The following BICD1 variants were observed in gnomAD, a reference collection of about 807,000 sequenced individuals.
BICD1 encodes protein bicaudal D homolog 1.
Under a neutral mutation model 92.5 loss-of-function variants are expected in BICD1, and 35 were observed. That is an observed-to-expected ratio of 0.38 (90% CI 0.29 to 0.50). The LOEUF (loss-of-function observed/expected upper bound fraction) is 0.50. BICD1 is among the 20% of genes least tolerant of loss of function. The probability of loss-of-function intolerance (pLI) is 0.93; values close to 1 mark genes in which losing one functional copy is unlikely to be tolerated. For synonymous variants in BICD1, 429 were observed against 465.1 expected (o/e 0.92, Z 1.00); for missense variants, 950 against 1,189.8 (o/e 0.80, Z 2.97).
chr12:32,357,947 A>C (rs1291226758), intron 8 of BICD1, among the ~76,000 whole-genome samples: 1 of 152,126 alleles, frequency 6.6e-6, no homozygotes, highest in Non-Finnish European at 1.5e-5. Context: ...GGGCCATTCC[A>C]CTGAAAGGGC....
At chr12:32,330,307 A>G (rs1487468113) in intron 5 of BICD1, among the ~76,000 whole-genome samples, 1 of 152,004 alleles carries the variant, frequency 6.6e-6, no homozygotes, top group Non-Finnish European at 1.5e-5. Context: ...CATCATTCTC[A>G]GCAAACTATC....
chr12:32,205,098 C>G (rs1592471418), intron 1 of BICD1, among the ~76,000 whole-genome samples: 1 of 152,224 alleles, frequency 6.6e-6, no homozygotes, highest in Admixed American at 6.5e-5. Context: ...TGAAATAAAA[C>G]TTTTTTCTTT....
intron 4 of BICD1, among the ~76,000 whole-genome samples, chr12:32,325,391 C>G (rs1344841421): frequency 6.6e-6 from 1 of 152,166 alleles, no homozygotes; most frequent in Non-Finnish European, 1.5e-5. Context: ...ATTTTATAGA[C>G]TGAAGTGCTG....
chr12:32,292,500 G>T (rs899909102), intron 2 of BICD1, among the ~76,000 whole-genome samples: 1 of 152,132 alleles, frequency 6.6e-6, no homozygotes, highest in African/African-American at 2.4e-5. Context: ...AACCTACATA[G>T]CATGTTTTTG....
chr12:32,262,624 T>C (rs1355151753), intron 2 of BICD1, among the ~76,000 whole-genome samples: 3 of 152,142 alleles, frequency 2.0e-5, no homozygotes, highest in African/African-American at 7.2e-5. Flanking sequence ...ATCTCCTGGG[T>C]TACAGTGAGC....
intron 2 of BICD1, among the ~76,000 whole-genome samples, chr12:32,263,101 C>T (rs979838378): frequency 3.9e-5 from 6 of 152,106 alleles, no homozygotes; most frequent in African/African-American, 1.2e-4. Context: ...GGCCACTGCA[C>T]TCCAGCCTGG....
intron 1 of BICD1, among the ~76,000 whole-genome samples, chr12:32,189,211 T>C (rs1358267408): frequency 6.6e-6 from 1 of 152,166 alleles, no homozygotes; most frequent in African/African-American, 2.4e-5. Flanking sequence ...GAATGTGCCT[T>C]TAAGGAGGAA....
chr12:32,124,264 G>A (rs1048838342), intron 1 of BICD1, among the ~76,000 whole-genome samples: 11 of 152,230 alleles, frequency 7.2e-5, no homozygotes, highest in Middle Eastern at 3.4e-3. Context: ...TTAGGAAGAC[G>A]TGATCTTTAT....
At chr12:32,350,577 A>AAC (rs1938822142) in intron 8 of BICD1, among the ~76,000 whole-genome samples, 6 of 152,366 alleles carry the variant, frequency 3.9e-5, no homozygotes, top group Middle Eastern at 3.4e-3. Flanking sequence ...ATAGCTCATC[A>AAC]ACCAGCAAAG....
chr12:32,214,107 A>G (rs1244467070), intron 1 of BICD1, among the ~76,000 whole-genome samples: 1 of 152,140 alleles, frequency 6.6e-6, no homozygotes, highest in Non-Finnish European at 1.5e-5. Context: ...AATATCTCAG[A>G]TTTGGCCATT....
intron 1 of BICD1, among the ~76,000 whole-genome samples, chr12:32,118,594 G>A (rs1942034905): frequency 6.6e-6 from 1 of 152,162 alleles, no homozygotes; most frequent in African/African-American, 2.4e-5. Context: ...GGTATTATAA[G>A]TAATCTAGAG....
At chr12:32,225,611 C>CT (rs1945655619) in intron 2 of BICD1, among the ~76,000 whole-genome samples, 1 of 49,232 alleles carries the variant, frequency 2.0e-5, no homozygotes. Context: ...TTTGACAGTT[C>CT]TTTTTTTCTG....
At chr12:32,291,803 A>G (rs568226758) in intron 2 of BICD1, among the ~76,000 whole-genome samples, 1 of 152,284 alleles carries the variant, frequency 6.6e-6, no homozygotes, top group East Asian at 1.9e-4. Flanking sequence ...ATGCCACTGC[A>G]CTGTAGCATG....
intron 2 of BICD1, among the ~76,000 whole-genome samples, chr12:32,284,845 A>G (rs1947520978): frequency 6.6e-6 from 1 of 152,196 alleles, no homozygotes; most frequent in African/African-American, 2.4e-5. Context: ...AGCACTGACT[A>G]TATTTTGGTT....
chr12:32,355,706 G>A (rs1341007437), intron 8 of BICD1, among the ~76,000 whole-genome samples: 1 of 152,018 alleles, frequency 6.6e-6, no homozygotes, highest in African/African-American at 2.4e-5. Flanking sequence ...GGAGGCTGAG[G>A]CATAAGAATC....
chr12:32,306,283 G>A (rs1948214053), intron 4 of BICD1, among the ~76,000 whole-genome samples, 161 bp downstream of exon 4: 1 of 151,168 alleles, frequency 6.6e-6, no homozygotes, highest in African/African-American at 2.4e-5. Context: ...TTGCTCCATC[G>A]CCCAGGCTGG....
chr12:32,141,707 T>C (rs1143902), intron 1 of BICD1, among the ~76,000 whole-genome samples: 151,908 of 152,308 alleles, frequency 1, 75,758 homozygotes, highest in Middle Eastern at 1. Context: ...CCCCTAACCT[T>C]AAATGATCCA....
intron 8 of BICD1, among the ~76,000 whole-genome samples, chr12:32,344,663 C>T (rs767222625): frequency 1.9e-4 from 29 of 152,226 alleles, no homozygotes; most frequent in Non-Finnish European, 3.2e-4. Context: ...TGTGCACACA[C>T]GACCTGCTCT....
chr12:32,244,486 T>C (rs1946319658), intron 2 of BICD1, among the ~76,000 whole-genome samples: 1 of 152,204 alleles, frequency 6.6e-6, no homozygotes, highest in Admixed American at 6.5e-5. Flanking sequence ...TGTCATTAAT[T>C]GGAGTTACCT....
Sources: allele counts gnomAD v4.1 joint callset (sites outside exome capture counted in the v4.1 genomes callset), GRCh38; gene constraint gnomAD v4.1.1; transcripts MANE v1.5; gene names NCBI Gene and HGNC (gene_info 2026-07-23, HGNC 2026-07-21).